The following ZFHX3 variants were observed in gnomAD, a reference collection of about 807,000 sequenced individuals.
The protein encoded by ZFHX3 is zinc finger homeobox 3, also known as zinc finger homeobox protein 3.
Under a neutral mutation model 279.1 loss-of-function variants are expected in ZFHX3, and 42 were observed. That is an observed-to-expected ratio of 0.15 (90% CI 0.12 to 0.19). The LOEUF is 0.19. Among genes scored for constraint, ZFHX3 ranks in the 10% least tolerant of loss-of-function variants. The pLI is 1.00. For missense variants in ZFHX3, 4,981 were observed against 4,754.0 expected, an observed-to-expected ratio of 1.05 and a Z score of -1.40; for synonymous variants, 2,293 against 1,957.8, an observed-to-expected ratio of 1.17 and a Z score of -4.52.
chr16:73,584,956 A>G (rs1048131710), intron 2 of ZFHX3, among the ~76,000 whole-genome samples: 5 of 152,254 alleles, frequency 3.3e-5, no homozygotes, highest in African/African-American at 1.2e-4. Context: ...GACGACATAC[A>G]TGTGGCCAAC....
intron 3 of ZFHX3, among the ~76,000 whole-genome samples, chr16:72,927,354 T>C (rs1451031599): frequency 1.3e-5 from 2 of 152,136 alleles, no homozygotes; most frequent in Non-Finnish European, 2.9e-5. Context: ...TCCTTAACAA[T>C]CCTCCCGATT....
chr16:73,415,231 G>C (rs192500833), intron 3 of ZFHX3, among the ~76,000 whole-genome samples: 8 of 152,296 alleles, frequency 5.3e-5, no homozygotes, highest in Admixed American at 1.3e-4. Flanking sequence ...AATACGAAGT[G>C]GTTCTGGGCT....
At chr16:73,519,007 C>T (rs2019569242) in intron 2 of ZFHX3, among the ~76,000 whole-genome samples, 1 of 152,166 alleles carries the variant, frequency 6.6e-6, no homozygotes, top group Non-Finnish European at 1.5e-5. Context: ...TCACTGTCTA[C>T]TAATGGAAAA....
At chr16:73,556,625 G>C (rs1359133587) in intron 2 of ZFHX3, among the ~76,000 whole-genome samples, 2 of 152,048 alleles carry the variant, frequency 1.3e-5, no homozygotes, top group African/African-American at 4.8e-5. Flanking sequence ...GGGAGGGTTA[G>C]GAAAGAGGAT....
At chr16:73,789,704 T>C (rs1054185611) in intron 1 of ZFHX3, among the ~76,000 whole-genome samples, 5 of 152,232 alleles carry the variant, frequency 3.3e-5, no homozygotes, top group South Asian at 2.1e-4. Flanking sequence ...CAGGCAGCAA[T>C]TGTACAGTCA....
intron 2 of ZFHX3, among the ~76,000 whole-genome samples, chr16:73,503,646 G>C (rs1288044083): frequency 6.6e-6 from 1 of 152,172 alleles, no homozygotes; most frequent in African/African-American, 2.4e-5. Context: ...TAGGGGAATG[G>C]GGGAAAGAAC....
chr16:73,493,541 G>C (rs1050787577), intron 2 of ZFHX3, among the ~76,000 whole-genome samples: 3 of 152,220 alleles, frequency 2.0e-5, no homozygotes, highest in Admixed American at 6.5e-5. Context: ...GATTGGGTCA[G>C]AAATGAACAG....
chr16:73,387,102 A>G (rs8052830), intron 3 of ZFHX3: 82,574 of 152,036 alleles, frequency 0.54, 23,313 homozygotes, highest in Non-Finnish European at 0.64. Context: ...GGCACAGTCC[A>G]TTCTCTCTCA....
intron 1 of ZFHX3, among the ~76,000 whole-genome samples, chr16:72,980,002 G>A (rs890035949): frequency 6.6e-6 from 1 of 152,194 alleles, no homozygotes; most frequent in African/African-American, 2.4e-5. Flanking sequence ...ATAAGACTAG[G>A]TGCAAGTAGG....
At chr16:72,998,496 C>T (rs982353783) in intron 1 of ZFHX3, among the ~76,000 whole-genome samples, 2 of 152,306 alleles carry the variant, frequency 1.3e-5, no homozygotes, top group South Asian at 2.1e-4. Flanking sequence ...TTATTTCAAA[C>T]GTAATCGATC....
chr16:72,794,309 G>C lies in ZFHX3; in HGVS notation c.8373C>G (p.Thr2791=), dbSNP rs2035821510. ...QGVPLSPVSK[T]MELSPRTLLS... Reference sequence around the variant, plus strand: ...GAAGAGTTCTGGGTGACAATTCCATGGTTTTACTCACAGGTGAGAGGGGGA... The same window carrying C: ...GAAGAGTTCTGGGTGACAATTCCATCGTTTTACTCACAGGTGAGAGGGGGA... The change falls in exon 9 of 10, where the codon ACC becomes ACG. Residue 2791 remains threonine (T), a synonymous_variant. Transcript: ENST00000268489. The surrounding 1 kb of genome is among the most constrained non-coding windows in gnomAD (Gnocchi z 4.2). The C allele has an allele frequency of 6.2e-7, 1 of 1,609,196 alleles. No individual in the cohort carries two copies. Among genetic ancestry groups the C allele is most frequent in the African/African-American group, 1.3e-5 (1 of 74,756 alleles).
chr16:73,266,022 G>A (rs895397037), intron 4 of ZFHX3, among the ~76,000 whole-genome samples: 1 of 152,304 alleles, frequency 6.6e-6, no homozygotes, highest in Non-Finnish European at 1.5e-5. Flanking sequence ...ACACAGCAAT[G>A]GGGAAGTCCG....
At chr16:73,214,153 G>A (rs73597329) in intron 5 of ZFHX3, among the ~76,000 whole-genome samples, 2,957 of 152,250 alleles carry the variant, frequency 0.019, 117 homozygotes, top group African/African-American at 0.067. Flanking sequence ...AAACTGCTCC[G>A]CACAGCCCAG....
At chr16:72,944,559 T>G (rs1351032778) in intron 3 of ZFHX3, among the ~76,000 whole-genome samples, 2 of 145,926 alleles carry the variant, frequency 1.4e-5, no homozygotes, top group African/African-American at 5.2e-5. Context: ...CATTCCAATT[T>G]TGTAAAATTC....
chr16:72,958,109 G>A lies in ZFHX3; in HGVS notation c.2037C>T (p.His679=). ...CCTCCAGGGTCTGCTGGTACTTATA[G>A]TGCCAGTTGCACTTGGGGCACTTGA... ...KTLKCPKCNW[H]YKYQQTLEAH... The change falls in exon 2 of 10, where the codon CAC becomes CAT. Residue 679 remains histidine (H), a synonymous_variant. Coordinates refer to ENST00000268489, the MANE Select transcript of ZFHX3 (RefSeq NM_006885.4). The A allele has an allele frequency of 6.2e-7, 1 of 1,614,188 alleles. No homozygotes were observed. Among genetic ancestry groups the A allele is most frequent in the Non-Finnish European group, 8.5e-7 (1 of 1,180,036 alleles).
At chr16:73,729,082 T>C (rs2053546604) in intron 1 of ZFHX3, among the ~76,000 whole-genome samples, 2 of 152,094 alleles carry the variant, frequency 1.3e-5, no homozygotes, top group African/African-American at 4.8e-5. Flanking sequence ...TAAACATCTT[T>C]CTTGTCTCTC....
chr16:73,868,297 C>A (rs1387037723), intron 1 of ZFHX3, among the ~76,000 whole-genome samples: 1 of 152,126 alleles, frequency 6.6e-6, no homozygotes, highest in African/African-American at 2.4e-5. Flanking sequence ...CCAAGGCAGG[C>A]GATCACCTGA....
chr16:73,438,611 T>C (rs1425934713), intron 3 of ZFHX3, among the ~76,000 whole-genome samples: 1 of 152,228 alleles, frequency 6.6e-6, no homozygotes, highest in Non-Finnish European at 1.5e-5. Context: ...TGCCTCTGGA[T>C]TGTACAAAGT....
intron 2 of ZFHX3, among the ~76,000 whole-genome samples, chr16:73,482,431 T>C (rs1427895144): frequency 6.6e-6 from 1 of 152,136 alleles, no homozygotes. Context: ...ACATCCCTTC[T>C]TTTGCAGGGC....
Sources: allele counts gnomAD v4.1 joint callset (sites outside exome capture counted in the v4.1 genomes callset), GRCh38; gene constraint gnomAD v4.1.1; non-coding constraint Gnocchi (gnomAD v3.1); transcripts MANE v1.5; gene names NCBI Gene and HGNC (gene_info 2026-07-23, HGNC 2026-07-21).